The following TMEM132B variants were observed in gnomAD, a reference collection of about 807,000 sequenced individuals.
TMEM132B encodes transmembrane protein 132B.
TMEM132B carries 18 observed loss-of-function variants against 90.8 expected under a neutral mutation model. That is an observed-to-expected ratio of 0.20 (90% CI 0.14 to 0.29). The LOEUF is 0.29. Ranked by LOEUF, TMEM132B falls within the 10% of genes least tolerant of loss-of-function variation. The probability of loss-of-function intolerance (pLI) is 1.00; values close to 1 mark genes in which losing one functional copy is unlikely to be tolerated. For synonymous variants in TMEM132B, 504 were observed against 523.3 expected (o/e 0.96, Z 0.50); for missense variants, 1,096 against 1,326.8 (o/e 0.83, Z 2.70).
intron 4 of TMEM132B, among the ~76,000 whole-genome samples, chr12:125,550,841 C>T (rs117091391): frequency 1.9e-3 from 284 of 150,392 alleles, no homozygotes; most frequent in Admixed American, 4.4e-3. Flanking sequence ...TGCAATGGTG[C>T]GATCTTGGCT....
chr12:125,514,111 T>C (rs1883046357), intron 3 of TMEM132B, among the ~76,000 whole-genome samples: 1 of 152,170 alleles, frequency 6.6e-6, no homozygotes, highest in South Asian at 2.1e-4. Context: ...AAGCAGAGTA[T>C]ATAAACAGAC....
intron 1 of TMEM132B, among the ~76,000 whole-genome samples, chr12:125,210,229 G>A (rs12813911): frequency 0.25 from 38,250 of 152,122 alleles, 5,984 homozygotes; most frequent in East Asian, 0.38. Context: ...TGGGCAGGAA[G>A]GTAATGTTTG....
At position 125,367,808 on chromosome 12, in the gene TMEM132B, T is replaced by C. The variant is rs2136264136; in HGVS notation, c.959+17465T>C. Among the ~76,000 whole-genome samples, 4 of 152,302 alleles carry C rather than the reference T, an allele frequency of 2.6e-5. No individual in the cohort carries two copies. The Middle Eastern group carries it at 0.014, about 518-fold the overall frequency. ...CGTAGGACCAACTCTAGTATCTCAC[T>C]CAACCATTACCAGAAATAGATTTAG... On this transcript the variant is annotated intron_variant, in intron 2 of 8. Transcript: ENST00000682704.
chr12:125,239,000 G>A (rs1874003992), intron 1 of TMEM132B, among the ~76,000 whole-genome samples: 1 of 152,152 alleles, frequency 6.6e-6, no homozygotes, highest in Non-Finnish European at 1.5e-5. Flanking sequence ...CTGAGTTTCA[G>A]TCTAATGTGG....
intron 3 of TMEM132B, among the ~76,000 whole-genome samples, chr12:125,416,833 C>T (rs938851519): frequency 6.6e-6 from 1 of 152,234 alleles, no homozygotes; most frequent in Non-Finnish European, 1.5e-5. Context: ...TTTCAGCCCA[C>T]AACCCTGCTT....
rs1874311307 is a variant in TMEM132B, at chr12:125,251,232, AGT to A, written c.67+64368_67+64369del. Among the ~76,000 whole-genome samples, 1 of 152,242 alleles carries A rather than the reference AGT, an allele frequency of 6.6e-6. No homozygotes were observed. ...CATACATGGTGCATTTAGCTCAGAA[AGT>A]GAGATGATTTTTGAAAATATCAAAA... On this transcript the variant is annotated intron_variant, in intron 1 of 8. Coordinates refer to ENST00000682704, the MANE Select transcript of TMEM132B (RefSeq NM_001366854.1). The surrounding 1 kb of genome is among the most constrained non-coding windows in gnomAD (Gnocchi z 4.4).
At chr12:125,516,936 A>G (rs1195466837) in intron 3 of TMEM132B, among the ~76,000 whole-genome samples, 1 of 152,216 alleles carries the variant, frequency 6.6e-6, no homozygotes, top group Admixed American at 6.5e-5. Flanking sequence ...TGACTAGTGA[A>G]GAGAAATTAG....
chr12:125,349,642 C>A lies in TMEM132B; in HGVS notation c.258C>A (p.Pro86=). Residue 86 remains proline, a synonymous_variant, in exon 2 of 9, where the codon CCC becomes CCA. Transcript: ENST00000682704. The surrounding 1 kb of genome is among the most constrained non-coding windows in gnomAD (Gnocchi z 4.1). ...EPFFIYRART[P]PIINASYGPF... is the part of the protein sequence containing the mutation. ...TCTTCATCTACCGAGCCAGGACACC[C>A]CCTATTATCAATGCCAGCTATGGCC... 6.2e-7 allele frequency: 1 copy of A among 1,614,166 alleles called. No individual in the cohort carries two copies. Among genetic ancestry groups the A allele is most frequent in the Non-Finnish European group, 8.5e-7 (1 of 1,180,024 alleles).
intron 4 of TMEM132B, among the ~76,000 whole-genome samples, chr12:125,563,566 A>AAAACAAACAAAC (rs55666916): frequency 0.049 from 7,061 of 145,570 alleles, 388 homozygotes; most frequent in African/African-American, 0.12. Flanking sequence ...CTCTGTCTCA[A>AAAACAAACAAAC]AAACAAACAA....
intron 5 of TMEM132B, among the ~76,000 whole-genome samples, chr12:125,589,692 G>A (rs1359409541): frequency 6.6e-6 from 1 of 151,986 alleles, no homozygotes. Context: ...GAGCAAGCAG[G>A]GCAGAGGAAG....
chr12:125,456,667 C>T (rs547157827), intron 3 of TMEM132B, among the ~76,000 whole-genome samples: 2 of 152,292 alleles, frequency 1.3e-5, no homozygotes, highest in East Asian at 3.9e-4. Flanking sequence ...TGGCCACTCA[C>T]CAGGCTGCAT....
intron 1 of TMEM132B, among the ~76,000 whole-genome samples, chr12:125,221,907 C>T (rs961959096): frequency 3.3e-5 from 5 of 152,130 alleles, no homozygotes; most frequent in Non-Finnish European, 5.9e-5. Flanking sequence ...GCCCAACTAG[C>T]GTGGTTGGGG....
chr12:125,517,169 T>C (rs73220918), intron 3 of TMEM132B, among the ~76,000 whole-genome samples: 34 of 124,136 alleles, frequency 2.7e-4, no homozygotes, highest in Admixed American at 1.8e-3. Context: ...CTCTCTCTCT[T>C]TTTTTTTTTT....
At chr12:125,627,603 G>A (rs1023470713) in intron 5 of TMEM132B, among the ~76,000 whole-genome samples, 5 of 152,030 alleles carry the variant, frequency 3.3e-5, no homozygotes, top group East Asian at 1.9e-4. Flanking sequence ...CATGTGATGT[G>A]TAATAATCAC....
intron 1 of TMEM132B, among the ~76,000 whole-genome samples, chr12:125,207,880 G>A (rs574545198): frequency 9.2e-4 from 140 of 152,318 alleles, no homozygotes; most frequent in Non-Finnish European, 1.6e-3. Context: ...CTCATGTGTA[G>A]CATGTGCTAG....
At chr12:125,641,875 C>A (rs1001885555) in intron 5 of TMEM132B, among the ~76,000 whole-genome samples, 1 of 152,142 alleles carries the variant, frequency 6.6e-6, no homozygotes, top group Non-Finnish European at 1.5e-5. Context: ...GAGGTCTGCA[C>A]TACAGAACAT....
intron 4 of TMEM132B, among the ~76,000 whole-genome samples, chr12:125,555,393 C>T (rs1012737074): frequency 3.3e-5 from 5 of 150,110 alleles, no homozygotes; most frequent in African/African-American, 1.2e-4. Context: ...AGGATATCAG[C>T]AATAGTAAGA....
rs866848473 is a variant in TMEM132B, at chr12:125,230,293, C to T, written c.67+43427C>T. Among the ~76,000 whole-genome samples, 40 of 152,142 alleles carry T rather than the reference C, an allele frequency of 2.6e-4. No homozygotes were observed. In the Middle Eastern group the frequency reaches 0.01, roughly 39 times the overall value. ...GGTGGTGCTTCTCAGGTTGGCGCTG[C>T]GGGGAGGGGTGTGTTGGCTTCTCCT... On this transcript the variant is annotated intron_variant, in intron 1 of 8. Transcript: ENST00000682704.
At chr12:125,635,523 T>G (rs1433863852) in intron 5 of TMEM132B, among the ~76,000 whole-genome samples, 1 of 152,248 alleles carries the variant, frequency 6.6e-6, no homozygotes, top group Non-Finnish European at 1.5e-5. Flanking sequence ...TGCCACATTT[T>G]CTTTATCCAG....
Sources: gnomAD v4.1 joint callset for allele counts (sites outside exome capture counted in the v4.1 genomes callset) on GRCh38, gnomAD v4.1.1 for gene constraint, Gnocchi (gnomAD v3.1) non-coding constraint, MANE v1.5 for transcripts, NCBI Gene and HGNC (gene_info 2026-07-23, HGNC 2026-07-21) for gene names.